The following GNG7 variants were observed in gnomAD, a reference collection of about 807,000 sequenced individuals.
The protein encoded by GNG7 is guanine nucleotide-binding protein G(I)/G(S)/G(O) subunit gamma-7.
In GNG7, 1 loss-of-function variant was observed where a neutral mutation model predicts 4.0. The ratio of observed to expected loss-of-function variants is 0.25; its 90% CI spans 0.09 to 1.18. The LOEUF (loss-of-function observed/expected upper bound fraction) is 1.18, where lower values mean the gene tolerates loss of function less well. Among genes scored for constraint, GNG7 ranks in the 50% most tolerant of loss-of-function variants. The pLI, the probability that GNG7 is intolerant of heterozygous loss-of-function variation, is 0.50. For synonymous variants in GNG7, 34 were observed against 36.9 expected (o/e 0.92, Z 0.29); for missense variants, 86 against 91.9 (o/e 0.94, Z 0.26).
intron 2 of GNG7, among the ~76,000 whole-genome samples, chr19:2,636,567 G>T (rs577445190): frequency 1.7e-4 from 26 of 152,254 alleles, no homozygotes; most frequent in South Asian, 1.2e-3. Flanking sequence ...AGACACCTCT[G>T]TGCCCGAGTG....
rs947139922 is a variant in GNG7 at position 2,634,857 on chromosome 19, C to A, written c.-78+11367G>T. ...CAAGAGCCCTTCTCAGGATAAGAGG[C>A]TCCAGTAAAGCTCTCAGCAGAAATG... On this transcript the variant is annotated intron_variant, in intron 2 of 4. Transcript: ENST00000382159. This position sits in a 1 kb window ranked among gnomAD's most constrained non-coding sequence, Gnocchi z 5.3. Among the ~76,000 whole-genome samples, 1 of 151,776 alleles carries A rather than the reference C, an allele frequency of 6.6e-6. No homozygotes were observed. Among genetic ancestry groups the A allele is most frequent in the Non-Finnish European group, 1.5e-5 (1 of 67,964 alleles).
At chr19:2,570,895 T>G (rs867553130) in intron 2 of GNG7, among the ~76,000 whole-genome samples, 1 of 152,012 alleles carries the variant, frequency 6.6e-6, no homozygotes, top group African/African-American at 2.4e-5. Flanking sequence ...CCTCCTGAGC[T>G]CAACCGATCC....
rs1188628951 is a variant in GNG7, at chr19:2,702,653, C to G, written c.-142G>C. The G allele has an allele frequency of 6.6e-6, 1 of 151,400 alleles. No individual in the cohort carries two copies. The highest frequency in any genetic ancestry group is 1.9e-4 in the East Asian group (1 of 5,146). 9.4% of individuals were successfully genotyped at this position (151,400 alleles called of 1,614,324 possible). Reference sequence around the variant, plus strand: ...GTTCGCGGGCGCCCTTACCTGCGCTCGGGCCCCGCGGCCGCCTCAGCCCCG... The same window carrying G: ...GTTCGCGGGCGCCCTTACCTGCGCTGGGGCCCCGCGGCCGCCTCAGCCCCG... On this transcript the variant is annotated 5_prime_UTR_variant, in exon 1 of 5. Coordinates refer to ENST00000382159, the MANE Select transcript of GNG7 (RefSeq NM_052847.3).
chr19:2,607,593 G>T (rs911403695), intron 2 of GNG7, among the ~76,000 whole-genome samples: 1 of 137,552 alleles, frequency 7.3e-6, no homozygotes, highest in Admixed American at 7.3e-5. Flanking sequence ...AGAAAGAAAA[G>T]AAAAAAGAAA....
intron 2 of GNG7, among the ~76,000 whole-genome samples, chr19:2,562,957 T>G (rs534781045): frequency 1.3e-5 from 2 of 152,022 alleles, no homozygotes; most frequent in Admixed American, 1.3e-4. Flanking sequence ...TTTTTTTTTG[T>G]TTTTTGAGAC....
chr19:2,639,106 G>A lies in GNG7; in HGVS notation c.-78+7118C>T, dbSNP rs116191947. Among the ~76,000 whole-genome samples the A allele has an allele frequency of 6.8e-3, 1,031 of 151,828 alleles. 12 individuals are homozygous for A. The highest frequency in any genetic ancestry group is 0.02 in the Middle Eastern group (6 of 294). On this transcript the variant is annotated intron_variant, in intron 2 of 4. Coordinates refer to ENST00000382159, the MANE Select transcript of GNG7 (RefSeq NM_052847.3). Reference sequence around the variant, plus strand: ...ACAAAAATTAGCTGGGCATGGTGGCGAACACCTGCAATCCCAGCTTGGGAG... The same window carrying A: ...ACAAAAATTAGCTGGGCATGGTGGCAAACACCTGCAATCCCAGCTTGGGAG...
chr19:2,678,787 C>T (rs891634149), intron 1 of GNG7, among the ~76,000 whole-genome samples: 1 of 151,912 alleles, frequency 6.6e-6, no homozygotes, highest in Non-Finnish European at 1.5e-5. Context: ...CCTTCAACGC[C>T]AGGTCTACAC....
chr19:2,684,914 A>C (rs1366739868), intron 1 of GNG7, among the ~76,000 whole-genome samples: 1 of 152,202 alleles, frequency 6.6e-6, no homozygotes, highest in African/African-American at 2.4e-5. Flanking sequence ...ACCTGAGGTC[A>C]GGAGTTCAAC....
intron 3 of GNG7, among the ~76,000 whole-genome samples, chr19:2,551,429 C>T (rs1332750270): frequency 6.6e-6 from 1 of 151,932 alleles, no homozygotes; most frequent in Non-Finnish European, 1.5e-5. Flanking sequence ...TAGGGTGAGG[C>T]CATGCGGCAC....
intron 2 of GNG7, among the ~76,000 whole-genome samples, chr19:2,579,834 G>A (rs1980450810): frequency 6.6e-6 from 1 of 152,158 alleles, no homozygotes; most frequent in Admixed American, 6.5e-5. Flanking sequence ...GGGACTGGGA[G>A]GGGGTCTTAA....
intron 2 of GNG7, among the ~76,000 whole-genome samples, chr19:2,603,915 A>G (rs1367514915): frequency 6.6e-6 from 1 of 151,766 alleles, no homozygotes; most frequent in Non-Finnish European, 1.5e-5. Flanking sequence ...CAGTGGTGCA[A>G]TCTCGGCTCA....
At chr19:2,677,815 C>T (rs910646808) in intron 1 of GNG7, among the ~76,000 whole-genome samples, 2 of 152,048 alleles carry the variant, frequency 1.3e-5, no homozygotes, top group Non-Finnish European at 2.9e-5. Flanking sequence ...TCGGGGTGTC[C>T]CTGGCATAGA....
At chr19:2,645,905 C>A (rs1312044225) in intron 2 of GNG7, among the ~76,000 whole-genome samples, 2 of 152,194 alleles carry the variant, frequency 1.3e-5, no homozygotes, top group African/African-American at 4.8e-5. Context: ...TTAAAACTCC[C>A]TACCATGGCA....
rs376321494 is a variant in GNG7, at chr19:2,643,659, G to C, written c.-78+2565C>G. ...CGGGCTCTGCACACCTTCCAGCCCT[G>C]CGCCTCCTTTTTCGGGCTGAGCTTT... is the stretch of plus-strand genomic sequence containing the variant. On this transcript the variant is annotated intron_variant, in intron 2 of 4. Coordinates refer to ENST00000382159, the MANE Select transcript of GNG7 (RefSeq NM_052847.3). 2.6e-4 allele frequency: 117 copies of C among 456,516 alleles called. 1 individual carries two copies. The highest frequency in any genetic ancestry group is 8.2e-4 in the South Asian group (53 of 64,538). The allele number at this position is 456,516 out of a possible 1,614,324, so 28.3% of individuals were successfully genotyped here.
At chr19:2,677,253 A>AT (rs60983729) in intron 1 of GNG7, among the ~76,000 whole-genome samples, 1,934 of 145,504 alleles carry the variant, frequency 0.013, 28 homozygotes, top group African/African-American at 0.029. Context: ...AGAGAATTCC[A>AT]TTTTTTTTTT....
At chr19:2,545,710 T>C (rs947327451) in intron 3 of GNG7, among the ~76,000 whole-genome samples, 1 of 148,224 alleles carries the variant, frequency 6.7e-6, no homozygotes, top group African/African-American at 2.5e-5. Context: ...TACCAGCACT[T>C]TGGGAGGCTG....
intron 1 of GNG7, among the ~76,000 whole-genome samples, chr19:2,652,596 G>C (rs1439490263): frequency 1.3e-5 from 2 of 152,158 alleles, no homozygotes; most frequent in African/African-American, 4.8e-5. Context: ...CTCCAGCCTG[G>C]GGAACAGAGC....
At chr19:2,655,863 C>CAT (rs1253843659) in intron 1 of GNG7, among the ~76,000 whole-genome samples, 10 of 97,232 alleles carry the variant, frequency 1.0e-4, no homozygotes, top group South Asian at 6.5e-4. Context: ...AAAAAAAATA[C>CAT]ATATATATAT....
intron 1 of GNG7, among the ~76,000 whole-genome samples, chr19:2,650,607 T>C (rs1399762310): frequency 1.3e-5 from 2 of 152,184 alleles, no homozygotes; most frequent in Non-Finnish European, 2.9e-5. Flanking sequence ...AGTGAGGCGA[T>C]CCCTGCGGAT....
Sources: gnomAD v4.1 joint callset for allele counts (sites outside exome capture counted in the v4.1 genomes callset) on GRCh38, gnomAD v4.1.1 for gene constraint, Gnocchi (gnomAD v3.1) non-coding constraint, MANE v1.5 for transcripts, NCBI Gene and HGNC (gene_info 2026-07-23, HGNC 2026-07-21) for gene names.